Variants in GLDC observed in about 807,000 individuals in gnomAD.
GLDC encodes glycine dehydrogenase (decarboxylating), mitochondrial.
Under a neutral mutation model 121.3 loss-of-function variants are expected in GLDC, and 104 were observed. That is an observed-to-expected ratio of 0.86 (90% confidence interval 0.73 to 1.01). The LOEUF is 1.01. Among genes scored for constraint, GLDC ranks in the 50% least tolerant of loss-of-function variants. The pLI is 0.00. For synonymous variants in GLDC, 546 were observed against 480.6 expected (o/e 1.14, Z -1.78); for missense variants, 1,429 against 1,306.6 (o/e 1.09, Z -1.44).
At chr9:6,571,604 G>C (rs762445486) in intron 15 of GLDC, among the ~76,000 whole-genome samples, 1 of 152,158 alleles carries the variant, frequency 6.6e-6, no homozygotes, top group Non-Finnish European at 1.5e-5. Context: ...TGATGGGTGG[G>C]TAGCATATAC....
intron 5 of GLDC, 38 bp downstream of exon 5, chr9:6,606,554 C>T (rs540683759): frequency 6.2e-6 from 7 of 1,127,148 alleles, no homozygotes; most frequent in Middle Eastern, 3.9e-4. Context: ...ATGAACATGA[C>T]ATTATACTGA....
At chr9:6,561,482 C>A (rs1362782393) in intron 16 of GLDC, among the ~76,000 whole-genome samples, 8 of 152,086 alleles carry the variant, frequency 5.3e-5, no homozygotes, top group Non-Finnish European at 1.0e-4. Flanking sequence ...AACCCTGTCT[C>A]TAATAAAAAT....
intron 2 of GLDC, among the ~76,000 whole-genome samples, chr9:6,622,396 C>T (rs879846518): frequency 1.3e-5 from 2 of 149,796 alleles, no homozygotes; most frequent in Admixed American, 6.6e-5. Flanking sequence ...CACGCGCCGC[C>T]ACGCCTGACT....
At chr9:6,614,377 G>A (rs997766681) in intron 3 of GLDC, among the ~76,000 whole-genome samples, 3 of 151,688 alleles carry the variant, frequency 2.0e-5, no homozygotes, top group Non-Finnish European at 2.9e-5. Flanking sequence ...TGGGACTACA[G>A]GCATGCACCA....
chr9:6,574,390 C>T (rs1818022509), intron 15 of GLDC, among the ~76,000 whole-genome samples: 1 of 151,278 alleles, frequency 6.6e-6, no homozygotes, highest in Non-Finnish European at 1.5e-5. Context: ...TGGCTTGAAC[C>T]TGGGAGGTGG....
intron 8 of GLDC, among the ~76,000 whole-genome samples, chr9:6,600,050 T>C (rs953885142): frequency 6.6e-6 from 1 of 152,030 alleles, no homozygotes; most frequent in African/African-American, 2.4e-5. Context: ...GTGACATCTC[T>C]CTCTGACACT....
At chr9:6,638,577 A>G (rs1360453236) in intron 2 of GLDC, among the ~76,000 whole-genome samples, 1 of 151,962 alleles carries the variant, frequency 6.6e-6, no homozygotes, top group Non-Finnish European at 1.5e-5. Context: ...TTTCCATCCC[A>G]TTTCACATCA....
intron 24 of GLDC, 68 bp downstream of exon 24, chr9:6,534,640 G>A (rs1029793234): frequency 7.2e-5 from 58 of 803,764 alleles, no homozygotes; most frequent in Middle Eastern, 2.2e-4. Flanking sequence ...GGCTAAGAGC[G>A]TACACCCGTC....
chr9:6,613,636 GATTT>G (rs1402524080), intron 3 of GLDC, among the ~76,000 whole-genome samples: 2 of 152,020 alleles, frequency 1.3e-5, no homozygotes. Flanking sequence ...GGTAAATCTT[GATTT>G]ATTTAACGAG....
At chr9:6,560,128 A>G (rs991732684) in intron 16 of GLDC, among the ~76,000 whole-genome samples, 2 of 152,226 alleles carry the variant, frequency 1.3e-5, no homozygotes, top group African/African-American at 4.8e-5. Flanking sequence ...TGTAGAACTG[A>G]CGATGTGTCC....
chr9:6,617,662 G>C (rs894846886), intron 3 of GLDC, among the ~76,000 whole-genome samples: 2 of 152,160 alleles, frequency 1.3e-5, no homozygotes, highest in Non-Finnish European at 2.9e-5. Context: ...GAAACTAAGA[G>C]TTATGTACAG....
At chr9:6,614,012 G>T (rs916580733) in intron 3 of GLDC, among the ~76,000 whole-genome samples, 1 of 150,616 alleles carries the variant, frequency 6.6e-6, no homozygotes, top group African/African-American at 2.4e-5. Context: ...CCTGACCTCA[G>T]GTGATCTGCC....
rs1817416111 is a variant in GLDC, at chr9:6,547,372, A to T, written c.2569+3431T>A. 2.0e-5 allele frequency among the ~76,000 whole-genome samples: 3 copies of T among 152,290 alleles called. No individual in the cohort carries two copies. In the South Asian group the frequency reaches 6.2e-4, roughly 32 times the overall value. On this transcript the variant is annotated intron_variant, in intron 21 of 24. Transcript: ENST00000321612. ...GGCTGGCACTAAGAACTAGGGAAAC[A>T]TTGAGCGCATTGGCTACATATACTA...
chr9:6,585,850 A>G (rs1236835085), intron 15 of GLDC, among the ~76,000 whole-genome samples: 1 of 113,320 alleles, frequency 8.8e-6, no homozygotes, highest in Non-Finnish European at 1.9e-5. Flanking sequence ...GTATGTATGT[A>G]TGTATGTATG....
rs1430357767 is a variant in GLDC, at chr9:6,602,199, G to A, written c.1065C>T (p.Ala355=). ...PGRMVGVTRD[A]TGKEVYRLAL... is the part of the protein sequence containing the mutation. ...CAAGACGATACACTTCTTTCCCAGTGGCATCTCTACACCAAGAATAAGGCA... is the reference window on the plus strand; with the variant it reads ...CAAGACGATACACTTCTTTCCCAGTAGCATCTCTACACCAAGAATAAGGCA... The change falls in exon 8 of 25, where the codon GCC becomes GCT. Residue 355 remains alanine (A), a synonymous_variant. Transcript: ENST00000321612. The A allele has an allele frequency of 1.2e-6, 2 of 1,604,552 alleles. No individual in the cohort carries two copies. Among genetic ancestry groups the A allele is most frequent in the Non-Finnish European group, 1.7e-6 (2 of 1,171,892 alleles).
chr9:6,645,165 G>A, intron 1 of GLDC, 80 bp downstream of exon 1: 1 of 1,378,132 alleles, frequency 7.3e-7, no homozygotes, highest in Non-Finnish European at 9.8e-7. Context: ...CAGAGCTCAG[G>A]GTAGGAGCCG....
chr9:6,549,703 T>C (rs1817469394), intron 21 of GLDC, among the ~76,000 whole-genome samples: 1 of 152,096 alleles, frequency 6.6e-6, no homozygotes, highest in African/African-American at 2.4e-5. Flanking sequence ...GGTGACTTTG[T>C]TCCCCTGCCT....
intron 6 of GLDC, 47 bp downstream of exon 6, chr9:6,605,084 A>G (rs757138367): frequency 6.5e-7 from 1 of 1,531,602 alleles, no homozygotes; most frequent in South Asian, 1.1e-5. Context: ...GACAGATACA[A>G]GTTGGGATAC....
intron 15 of GLDC, chr9:6,569,175 TAAAAA>T: frequency 6.9e-6 from 1 of 145,098 alleles, no homozygotes; most frequent in South Asian, 2.2e-4. Context: ...AATGTAAACT[TAAAAA>T]AAAAAAGAAT....
Sources: allele counts gnomAD v4.1 joint callset (sites outside exome capture counted in the v4.1 genomes callset), GRCh38; gene constraint gnomAD v4.1.1; transcripts MANE v1.5; gene names NCBI Gene and HGNC (gene_info 2026-07-23, HGNC 2026-07-21).